Variants in ATP9A observed in about 807,000 individuals in gnomAD.
The protein encoded by ATP9A is probable phospholipid-transporting ATPase IIA.
In ATP9A, 52 loss-of-function variants were observed where a neutral mutation model predicts 144.1. The ratio of observed to expected loss-of-function variants is 0.36; its 90% CI spans 0.29 to 0.45. The LOEUF is 0.45. ATP9A is among the 20% of genes least tolerant of loss of function. The probability of loss-of-function intolerance (pLI) is 1.00; values close to 1 mark genes in which losing one functional copy is unlikely to be tolerated. For synonymous variants in ATP9A, 582 were observed against 557.4 expected (o/e 1.04, Z -0.62); for missense variants, 947 against 1,392.7 (o/e 0.68, Z 5.09).
chr20:51,756,868 A>G (rs2077858657), intron 1 of ATP9A, among the ~76,000 whole-genome samples: 1 of 152,152 alleles, frequency 6.6e-6, no homozygotes, highest in Non-Finnish European at 1.5e-5. Context: ...AGTCCAGACT[A>G]TATGAATTTC....
intron 14 of ATP9A, among the ~76,000 whole-genome samples, chr20:51,643,233 G>A (rs1568799823): frequency 6.6e-6 from 1 of 152,182 alleles, no homozygotes; most frequent in Non-Finnish European, 1.5e-5. Context: ...CTGTCATACT[G>A]ACCTCTACCT....
At chr20:51,686,523 A>G (rs2077523841) in intron 9 of ATP9A, among the ~76,000 whole-genome samples, 2 of 152,230 alleles carry the variant, frequency 1.3e-5, no homozygotes, top group Admixed American at 6.5e-5. Context: ...TCCTCTATAA[A>G]GCATTCTAAC....
At chr20:51,634,974 CA>C (rs1189816304) in intron 15 of ATP9A, among the ~76,000 whole-genome samples, 2 of 151,998 alleles carry the variant, frequency 1.3e-5, no homozygotes, top group Non-Finnish European at 2.9e-5. Flanking sequence ...AGGAAGTCTT[CA>C]AAGTGGCTCG....
chr20:51,625,327 G>GT lies in ATP9A; in HGVS notation c.1880dup (p.Asp627GlufsTer98). ...TCACCGTGGCCACTTTGAGGGAGCG[G>GT]TCGTGCACACTCAGCTTGGCCTGGA... is the stretch of plus-strand genomic sequence containing the variant. On this transcript the variant is annotated frameshift_variant, in exon 18 of 28. Coordinates refer to ENST00000338821, the MANE Select transcript of ATP9A (RefSeq NM_006045.3). LOFTEE classifies it high-confidence loss of function. 6.2e-7 allele frequency: 1 copy of GT among 1,614,158 alleles called. No individual in the cohort carries two copies. The highest frequency in any genetic ancestry group is 1.1e-5 in the South Asian group (1 of 91,086).
chr20:51,749,309 C>T (rs1330091082), intron 1 of ATP9A, among the ~76,000 whole-genome samples: 1 of 152,150 alleles, frequency 6.6e-6, no homozygotes, highest in Non-Finnish European at 1.5e-5. Context: ...GTCACCCAGG[C>T]TGGAGTGCAG....
At chr20:51,750,252 G>A (rs1427673806) in intron 1 of ATP9A, among the ~76,000 whole-genome samples, 2 of 152,200 alleles carry the variant, frequency 1.3e-5, no homozygotes, top group African/African-American at 4.8e-5. Flanking sequence ...CCATGAGCTT[G>A]TAGGTCAGAG....
chr20:51,665,273 T>A (rs1328754926), intron 13 of ATP9A, among the ~76,000 whole-genome samples: 2 of 152,162 alleles, frequency 1.3e-5, no homozygotes, highest in Non-Finnish European at 2.9e-5. Flanking sequence ...TCAAGGGATG[T>A]GGGCTTTCTT....
At chr20:51,663,610 T>C (rs571944150) in intron 13 of ATP9A, among the ~76,000 whole-genome samples, 104 of 151,954 alleles carry the variant, frequency 6.8e-4, no homozygotes, top group African/African-American at 9.9e-4. Flanking sequence ...CTGGCTAACA[T>C]GGTGAAACCC....
intron 9 of ATP9A, among the ~76,000 whole-genome samples, chr20:51,684,437 C>T (rs1440388542): frequency 6.6e-6 from 1 of 152,172 alleles, no homozygotes; most frequent in Non-Finnish European, 1.5e-5. Context: ...TGGCTCATGC[C>T]TGTAATCCCA....
At chr20:51,733,570 T>C (rs1211814461) in intron 1 of ATP9A, among the ~76,000 whole-genome samples, 1 of 152,114 alleles carries the variant, frequency 6.6e-6, no homozygotes, top group Non-Finnish European at 1.5e-5. Flanking sequence ...AGACGGGGTT[T>C]CACCATGTTG....
At chr20:51,674,422 A>G in intron 10 of ATP9A, 109 bp from the exon 11 acceptor site, 1 of 1,111,562 alleles carries the variant, frequency 9.0e-7, no homozygotes, top group Non-Finnish European at 1.3e-6. Flanking sequence ...GCACTAACTC[A>G]GCCTGCCGGA....
chr20:51,629,217 A>C (rs2077261490), intron 15 of ATP9A, 145 bp from the exon 16 acceptor site: 4 of 582,792 alleles, frequency 6.9e-6, no homozygotes, highest in Non-Finnish European at 1.2e-5. Flanking sequence ...AAAAGCGAGA[A>C]GGGGCCTCAT....
intron 14 of ATP9A, among the ~76,000 whole-genome samples, chr20:51,644,742 T>A (rs926597344): frequency 6.6e-6 from 1 of 151,846 alleles, no homozygotes; most frequent in African/African-American, 2.4e-5. Context: ...ACCTATTAAG[T>A]AATAAAGTAA....
chr20:51,604,434 A>ACTGC (rs2077155281), intron 27 of ATP9A, among the ~76,000 whole-genome samples: 1 of 151,918 alleles, frequency 6.6e-6, no homozygotes, highest in Admixed American at 6.6e-5. Flanking sequence ...GGGGCTCGGC[A>ACTGC]CCTCCCAGCA....
chr20:51,685,766 T>TG (rs1450885674), intron 9 of ATP9A, among the ~76,000 whole-genome samples: 2 of 152,142 alleles, frequency 1.3e-5, no homozygotes, highest in Non-Finnish European at 2.9e-5. Flanking sequence ...ACACTGTTGG[T>TG]GGGACTGTAA....
intron 4 of ATP9A, among the ~76,000 whole-genome samples, chr20:51,699,665 C>T (rs577396383): frequency 3.7e-4 from 56 of 151,586 alleles, no homozygotes; most frequent in Non-Finnish European, 5.4e-4. Context: ...CTTTTTTAGA[C>T]GGAGTCTCGC....
chr20:51,632,290 C>T (rs576740312), intron 15 of ATP9A, among the ~76,000 whole-genome samples: 3 of 152,130 alleles, frequency 2.0e-5, no homozygotes, highest in Admixed American at 6.6e-5. Flanking sequence ...CAATGATGCC[C>T]AGGCTGGACT....
At position 51,768,139 on chromosome 20, in the gene ATP9A, A is replaced by G. The variant is rs1484801757; in HGVS notation, c.68+163T>C. Among the ~76,000 whole-genome samples, 7 of 151,640 alleles carry G rather than the reference A, an allele frequency of 4.6e-5. No homozygotes were observed. In the East Asian group the frequency reaches 1.4e-3, roughly 30 times the overall value. ...CAGGCTAGGTGCCGCCCGGGGCTGA[A>G]GCGCAGGGACCCCCTCCCCACCTCC... On this transcript the variant is annotated intron_variant, in intron 1 of 27. Coordinates refer to ENST00000338821, the MANE Select transcript of ATP9A (RefSeq NM_006045.3).
chr20:51,719,613 G>A lies in ATP9A; in HGVS notation c.327+6206C>T, dbSNP rs139485887. Among the ~76,000 whole-genome samples, 1,114 of 148,610 alleles carry A rather than the reference G, an allele frequency of 7.5e-3. 15 individuals are homozygous for A. The highest frequency in any genetic ancestry group is 0.026 in the African/African-American group (1,040 of 40,328). On this transcript the variant is annotated intron_variant, in intron 3 of 27. Transcript: ENST00000338821. ...CTGGGCGTGGTGGCACGCACCTGTAGTCCCAGCTACTTGGGAGGCTGAGGC... is the reference window on the plus strand; with the variant it reads ...CTGGGCGTGGTGGCACGCACCTGTAATCCCAGCTACTTGGGAGGCTGAGGC...
Sources: allele counts gnomAD v4.1 joint callset (sites outside exome capture counted in the v4.1 genomes callset), GRCh38; gene constraint gnomAD v4.1.1; transcripts MANE v1.5; gene names NCBI Gene and HGNC (gene_info 2026-07-23, HGNC 2026-07-21).